Variants in ZFYVE16 observed in about 807,000 individuals in gnomAD.
ZFYVE16 encodes zinc finger FYVE-type containing 16.
Under a neutral mutation model 138.1 loss-of-function variants are expected in ZFYVE16, and 89 were observed. The observed-to-expected ratio is 0.64, with a 90% CI of 0.54 to 0.77. ZFYVE16 has a LOEUF of 0.77. Among genes scored for constraint, ZFYVE16 ranks in the 30% least tolerant of loss-of-function variants. The probability of loss-of-function intolerance (pLI) is 0.00; values close to 1 mark genes in which losing one functional copy is unlikely to be tolerated. For missense variants in ZFYVE16, 1,793 were observed against 1,786.7 expected (o/e 1.00, Z -0.06); for synonymous variants, 596 against 618.3 (o/e 0.96, Z 0.53).
rs898080146 is a variant in ZFYVE16 at position 80,481,257 on chromosome 5, G to A, written c.*3880G>A. On this transcript the variant is annotated 3_prime_UTR_variant, in exon 19 of 19. Coordinates refer to ENST00000505560, the MANE Select transcript of ZFYVE16 (RefSeq NM_001284236.3). ...GAACACTGGCAATGGGGAGGCTAACGCCCTGACTTTCTAGCCAAAAACCAA... is the reference window on the plus strand; with the variant it reads ...GAACACTGGCAATGGGGAGGCTAACACCCTGACTTTCTAGCCAAAAACCAA... Among the ~76,000 whole-genome samples, 10 of 152,262 alleles carry A rather than the reference G, an allele frequency of 6.6e-5. No individual in the cohort carries two copies. Among genetic ancestry groups the A allele is most frequent in the East Asian group, 1.9e-4 (1 of 5,186 alleles).
rs565389444 is a variant in ZFYVE16, at chr5:80,410,885, C to CT, written c.-94+2740dup. 4.3e-4 allele frequency among the ~76,000 whole-genome samples: 65 copies of CT among 151,586 alleles called. No homozygotes were observed. The South Asian group carries it at 7.1e-3, about 17-fold the overall frequency. On this transcript the variant is annotated intron_variant, in intron 1 of 18. Coordinates refer to ENST00000505560, the MANE Select transcript of ZFYVE16 (RefSeq NM_001284236.3). ...ACCCGACCTTAGGAAACGTGCTGTA[C>CT]TTTTTTTTAAAGGAAAACAACAAAA...
chr5:80,449,838 C>G, intron 9 of ZFYVE16, 125 bp downstream of exon 9: 1 of 1,055,320 alleles, frequency 9.5e-7, no homozygotes, highest in Non-Finnish European at 1.3e-6. Flanking sequence ...GGTTTTTCAG[C>G]CACATATGAC....
chr5:80,425,464 G>A (rs1355953053), intron 1 of ZFYVE16, among the ~76,000 whole-genome samples: 1 of 152,022 alleles, frequency 6.6e-6, no homozygotes, highest in Admixed American at 6.6e-5. Flanking sequence ...CCCATGCTAG[G>A]TAGCCAAACA....
rs796252358 is a variant in ZFYVE16, at chr5:80,443,198, T to C, written c.2495T>C (p.Val832Ala). 2.5e-6 allele frequency: 4 copies of C among 1,609,604 alleles called. No individual in the cohort carries two copies. Among genetic ancestry groups the C allele is most frequent in the Admixed American group, 1.7e-5 (1 of 58,394 alleles). Residue 832 changes from valine to alanine, a missense_variant, in exon 6 of 19, where the codon GTC becomes GCC. Val to Ala is a moderately conservative substitution (Grantham distance 64). Coordinates refer to ENST00000505560, the MANE Select transcript of ZFYVE16 (RefSeq NM_001284236.3). ...KSNHSDECTT[V>A]QPPQENQTSS... ...AATCATTCTGATGAATGTACTACTG[T>C]CCAGCCTCCTCAGGAGAACCAAACA...
intron 1 of ZFYVE16, among the ~76,000 whole-genome samples, chr5:80,409,175 T>A (rs766570031): frequency 1.3e-5 from 2 of 152,228 alleles, no homozygotes; most frequent in African/African-American, 2.4e-5. Context: ...TGAGATTTTA[T>A]ATCGTTGGAT....
chr5:80,453,317 G>GT (rs1752178205), intron 11 of ZFYVE16, among the ~76,000 whole-genome samples: 1 of 152,126 alleles, frequency 6.6e-6, no homozygotes, highest in Non-Finnish European at 1.5e-5. Context: ...TAAGCCAAAT[G>GT]TTTCATCAAT....
intron 8 of ZFYVE16, among the ~76,000 whole-genome samples, chr5:80,449,214 T>A (rs893620705): frequency 6.6e-6 from 1 of 152,140 alleles, no homozygotes; most frequent in Non-Finnish European, 1.5e-5. Flanking sequence ...GCAGCATATA[T>A]AACGTGGCTC....
chr5:80,471,140 C>T (rs2112543547), intron 15 of ZFYVE16, among the ~76,000 whole-genome samples: 1 of 152,224 alleles, frequency 6.6e-6, no homozygotes, highest in East Asian at 1.9e-4. Flanking sequence ...TGGGGGGTGC[C>T]TGTCCATATG....
intron 2 of ZFYVE16, among the ~76,000 whole-genome samples, chr5:80,432,284 A>G (rs1261522892): frequency 1.3e-5 from 2 of 152,138 alleles, no homozygotes; most frequent in Non-Finnish European, 2.9e-5. Context: ...AATACCACAC[A>G]TCTACAACCA....
In ZFYVE16 at chr5:80,482,922, T is replaced by G. The variant is rs408899; in HGVS notation, c.*5545T>G. 0.77 allele frequency: 116,206 copies of G among 151,616 alleles called. 48,143 individuals carry two copies. Among genetic ancestry groups the G allele is most frequent in the East Asian group, 0.92 (4,725 of 5,142 alleles). The allele number at this position is 151,616 out of a possible 1,614,324, so 9.4% of individuals were successfully genotyped here. Reference sequence around the variant, plus strand: ...ACTCTGTTGCCCAGGCTGGAATGGATTGGTGCGATCTCAGCTCACTGCAAC... The same window carrying G: ...ACTCTGTTGCCCAGGCTGGAATGGAGTGGTGCGATCTCAGCTCACTGCAAC... On this transcript the variant is annotated 3_prime_UTR_variant, in exon 19 of 19. Transcript: ENST00000505560.
chr5:80,474,680 G>A lies in ZFYVE16; in HGVS notation c.4311G>A (p.Lys1437=). ...CATTTCAGGTGTTCTACTTTCTAAA[G>A]GACCAGGATTTATCTATTTTATCAA... ...VKCTEVFYFL[K]DQDLSILSTS... is the part of the protein sequence containing the mutation. Residue 1437 remains lysine (K), a synonymous_variant, in exon 18 of 19, where the codon AAG becomes AAA. Transcript: ENST00000505560. 1 of 1,611,816 alleles carries A rather than the reference G, an allele frequency of 6.2e-7. No homozygotes were observed. Among genetic ancestry groups the A allele is most frequent in the Non-Finnish European group, 8.5e-7 (1 of 1,179,006 alleles).
intron 15 of ZFYVE16, among the ~76,000 whole-genome samples, chr5:80,469,123 C>T (rs113843889): frequency 0.011 from 1,564 of 141,910 alleles, 28 homozygotes; most frequent in African/African-American, 0.038. Context: ...GACTCATTCT[C>T]ACCCAGGGTC....
At chr5:80,450,333 A>G (rs1751849185) in intron 9 of ZFYVE16, 98 bp from the exon 10 acceptor site, 5 of 1,221,000 alleles carry the variant, frequency 4.1e-6, no homozygotes, top group Non-Finnish European at 4.6e-6. Flanking sequence ...TGGGAACACA[A>G]GGAATTTGAA....
Position 80,448,145 on chromosome 5 carries a change from A to G in ZFYVE16, c.2844A>G (p.Glu948=). The G allele has an allele frequency of 1.2e-6, 2 of 1,614,044 alleles. No individual in the cohort carries two copies. Among genetic ancestry groups the G allele is most frequent in the South Asian group, 2.2e-5 (2 of 91,072 alleles). The change falls in exon 8 of 19, where the codon GAA becomes GAG. Residue 948 remains glutamate (E), a synonymous_variant. Coordinates refer to ENST00000505560, the MANE Select transcript of ZFYVE16 (RefSeq NM_001284236.3). Reference sequence around the variant, plus strand: ...CTATTTCTCAGGTTCCATCAGTGGAAAAATTGTCTATGAACACAGGAAATG... The same window carrying G: ...CTATTTCTCAGGTTCCATCAGTGGAGAAATTGTCTATGAACACAGGAAATG... ...QSPISQVPSV[E]KLSMNTGNEG...
chr5:80,441,185 T>A, intron 5 of ZFYVE16: 1 of 985,426 alleles, frequency 1.0e-6, no homozygotes, highest in Non-Finnish European at 1.2e-6. Flanking sequence ...CCCATATAAT[T>A]ATCTCCCCCA....
chr5:80,443,009 G>A, intron 5 of ZFYVE16, 114 bp from the exon 6 acceptor site: 2 of 1,035,470 alleles, frequency 1.9e-6, no homozygotes, highest in South Asian at 2.0e-5. Flanking sequence ...TTCTTGATTA[G>A]CCATTTCTTT....
intron 12 of ZFYVE16, chr5:80,456,035 A>G (rs957963881): frequency 2.0e-5 from 8 of 401,436 alleles, no homozygotes; most frequent in African/African-American, 1.7e-4. Context: ...TTGGATATTT[A>G]GGTAATGTAA....
In ZFYVE16 at chr5:80,473,963, A is replaced by G. The variant is rs533764114; in HGVS notation, c.4293+104A>G. Reference sequence around the variant, plus strand: ...TCTAAATATTTATGCATAGCTTATTATACTTTTTATGCTACACTTTGAGAC... The same window carrying G: ...TCTAAATATTTATGCATAGCTTATTGTACTTTTTATGCTACACTTTGAGAC... On this transcript the variant is annotated intron_variant, in intron 17 of 18. Coordinates refer to ENST00000505560, the MANE Select transcript of ZFYVE16 (RefSeq NM_001284236.3). 23 of 777,386 alleles carry G rather than the reference A, an allele frequency of 3.0e-5. No individual in the cohort carries two copies. In the South Asian group the frequency reaches 3.6e-4, roughly 12 times the overall value. 48.2% of individuals were successfully genotyped at this position (777,386 alleles called of 1,614,324 possible).
rs142930712 is a variant in ZFYVE16, at chr5:80,422,515, C to T, written c.-93-4977C>T. On this transcript the variant is annotated intron_variant, in intron 1 of 18. Transcript: ENST00000505560. ...TGTTTCCCAGGCTGGAGTTCAGTGG[C>T]GTGATCTCGGGTCACTGCAACCTCC... Among the ~76,000 whole-genome samples, 1,313 of 152,220 alleles carry T rather than the reference C, an allele frequency of 8.6e-3. 12 individuals carry two copies. Among genetic ancestry groups the T allele is most frequent in the Admixed American group, 0.017 (267 of 15,276 alleles).
Sources: gnomAD v4.1 joint callset for allele counts (sites outside exome capture counted in the v4.1 genomes callset) on GRCh38, gnomAD v4.1.1 for gene constraint, MANE v1.5 for transcripts, NCBI Gene and HGNC (gene_info 2026-07-23, HGNC 2026-07-21) for gene names.